The following WBP2NL variants were observed in gnomAD, a reference collection of about 807,000 sequenced individuals.
WBP2NL encodes WBP2 N-terminal like, also known as postacrosomal sheath WW domain-binding protein.
In WBP2NL, 27 loss-of-function variants were observed where a neutral mutation model predicts 23.3. The ratio of observed to expected loss-of-function variants is 1.16; its 90% CI spans 0.85 to 1.60. The LOEUF is 1.60. WBP2NL is among the 40% of genes most tolerant of loss of function. The pLI is 0.00. For missense variants in WBP2NL, 370 were observed against 389.5 expected (o/e 0.95, Z 0.42); for synonymous variants, 151 against 145.9 (o/e 1.03, Z -0.25).
At chr22:42,002,961 G>A (rs948713238) in intron 1 of WBP2NL, 1 of 151,844 alleles carries the variant, frequency 6.6e-6, no homozygotes, top group African/African-American at 2.4e-5. Flanking sequence ...AAAATAGTGG[G>A]ACCTCATCTC....
At chr22:42,010,197 G>T (rs906046155) in intron 1 of WBP2NL, among the ~76,000 whole-genome samples, 2 of 152,076 alleles carry the variant, frequency 1.3e-5, no homozygotes, top group African/African-American at 4.8e-5. Flanking sequence ...ACAGCTTTTT[G>T]GTGGACTCTT....
chr22:42,055,761 A>C (rs1218995918), intron 8 of WBP2NL, among the ~76,000 whole-genome samples: 1 of 151,904 alleles, frequency 6.6e-6, no homozygotes, highest in Non-Finnish European at 1.5e-5. Flanking sequence ...TTTTTGGTGG[A>C]TTGATCTTCT....
At position 42,027,243 on chromosome 22, in the gene WBP2NL, G is replaced by A. The variant is rs780529882; in HGVS notation, c.*62G>A. ...AAGAGGTACCCTAAAATTGAAGTCA[G>A]GATAAGGAGGACGACTCAGGTATGT... On this transcript the variant is annotated 3_prime_UTR_variant, in exon 6 of 6. Transcript: ENST00000328823. The A allele has an allele frequency of 7.2e-6, 11 of 1,530,058 alleles. No individual in the cohort carries two copies. The highest frequency in any genetic ancestry group is 9.6e-6 in the Non-Finnish European group (11 of 1,142,092). 94.8% of individuals were successfully genotyped at this position (1,530,058 alleles called of 1,614,324 possible).
At chr22:42,010,046 T>G (rs1922662479) in intron 1 of WBP2NL, among the ~76,000 whole-genome samples, 1 of 152,232 alleles carries the variant, frequency 6.6e-6, no homozygotes. Context: ...TTCCTAAGTA[T>G]TTTATTCTTT....
chr22:42,017,978 G>A (rs1336793186), intron 1 of WBP2NL, among the ~76,000 whole-genome samples: 2 of 151,860 alleles, frequency 1.3e-5, no homozygotes, highest in South Asian at 2.1e-4. Flanking sequence ...GTGAAACCCC[G>A]TCTCTACCAA....
chr22:42,013,652 T>C (rs1923041205), intron 1 of WBP2NL, among the ~76,000 whole-genome samples: 1 of 152,118 alleles, frequency 6.6e-6, no homozygotes, highest in Admixed American at 6.6e-5. Flanking sequence ...CTCTATCACG[T>C]AGGCTGGAGT....
intron 1 of WBP2NL, among the ~76,000 whole-genome samples, chr22:42,015,571 T>C (rs1231859073): frequency 6.6e-6 from 1 of 152,002 alleles, no homozygotes; most frequent in Non-Finnish European, 1.5e-5. Context: ...CCCAGCTAAT[T>C]TTTGTATTTT....
chr22:42,056,335 T>C (rs748317731), intron 8 of WBP2NL, among the ~76,000 whole-genome samples: 19 of 152,242 alleles, frequency 1.2e-4, no homozygotes, highest in Non-Finnish European at 2.1e-4. Context: ...TTGTTACAAA[T>C]GACATCTTTA....
chr22:42,031,877 G>A (rs1288192761), downstream of WBP2NL: 2 of 152,062 alleles, frequency 1.3e-5, no homozygotes, highest in Non-Finnish European at 2.9e-5. Context: ...TGTGTTTTTA[G>A]TGGAGACAGG....
At chr22:42,018,603 C>G (rs58156627) in intron 1 of WBP2NL, among the ~76,000 whole-genome samples, 42 of 152,056 alleles carry the variant, frequency 2.8e-4, no homozygotes, top group Admixed American at 2.8e-3. Context: ...GGAGAGAGCA[C>G]GACAGGCTGA....
At chr22:42,041,481 TAAAAAAA>T (rs35848343) in intron 8 of WBP2NL, among the ~76,000 whole-genome samples, 21 of 112,820 alleles carry the variant, frequency 1.9e-4, no homozygotes, top group East Asian at 1.1e-3. Context: ...GTTCTGTCTT[TAAAAAAA>T]AAAAAAAAAA....
At chr22:42,046,766 T>C (rs889660594) in intron 8 of WBP2NL, among the ~76,000 whole-genome samples, 3 of 152,024 alleles carry the variant, frequency 2.0e-5, no homozygotes, top group Admixed American at 6.5e-5. Flanking sequence ...TTTTTAATGA[T>C]GGATAAACTT....
rs1395760162 is a variant in WBP2NL at position 42,047,623 on chromosome 22, T to A, written c.*274-10667T>A. Among the ~76,000 whole-genome samples the A allele has an allele frequency of 4.1e-3, 521 of 126,832 alleles. 1 individual carries two copies. The highest frequency in any genetic ancestry group is 0.022 in the African/African-American group (504 of 22,638). 83.2% of individuals were successfully genotyped at this position (126,832 alleles called of 152,430 possible). ...GCCTCCCAAAAAAAACCAATCAAAT[T>A]TTTTTTTTTTTTTTTTGAGACAGAG... is the stretch of plus-strand genomic sequence containing the variant. On this transcript the variant is annotated intron_variant and NMD_transcript_variant, in intron 8 of 8. Coordinates refer to the WBP2NL transcript ENST00000436265.
At chr22:42,002,007 C>G in intron 1 of WBP2NL, 1 of 779,928 alleles carries the variant, frequency 1.3e-6, no homozygotes, top group Admixed American at 3.5e-5. Context: ...GGGACTGGTC[C>G]GAGAATCGGC....
At chr22:42,056,818 C>G (rs1030908389) in intron 8 of WBP2NL, among the ~76,000 whole-genome samples, 4 of 152,028 alleles carry the variant, frequency 2.6e-5, no homozygotes, top group Admixed American at 6.6e-5. Flanking sequence ...AATGGGGTAT[C>G]TAGTGCCTCA....
chr22:42,035,366 C>T (rs1242433715), downstream of WBP2NL, among the ~76,000 whole-genome samples: 1 of 152,238 alleles, frequency 6.6e-6, no homozygotes, highest in African/African-American at 2.4e-5. Context: ...GGAGCTCCCA[C>T]CTGCCCCTCT....
chr22:42,033,485 A>G (rs548660668), downstream of WBP2NL, among the ~76,000 whole-genome samples: 16 of 152,258 alleles, frequency 1.1e-4, no homozygotes, highest in African/African-American at 3.9e-4. Flanking sequence ...AGTGGGTCCA[A>G]AGTTCTTCAA....
At chr22:42,037,854 T>A (rs755314900), downstream of WBP2NL, among the ~76,000 whole-genome samples, 5 of 81,390 alleles carry the variant, frequency 6.1e-5, no homozygotes, top group Admixed American at 3.0e-4. Flanking sequence ...AGTGAGAGTG[T>A]GTGTGTGTGT....
At chr22:42,025,142 T>G (rs182251817) in intron 5 of WBP2NL, among the ~76,000 whole-genome samples, 210 of 152,348 alleles carry the variant, frequency 1.4e-3, no homozygotes, top group African/African-American at 4.8e-3. Flanking sequence ...CAGATTTCTC[T>G]TTTTTCCTCT....
Sources: allele counts gnomAD v4.1 joint callset (sites outside exome capture counted in the v4.1 genomes callset), GRCh38; gene constraint gnomAD v4.1.1; transcripts MANE v1.5; gene names NCBI Gene and HGNC (gene_info 2026-07-23, HGNC 2026-07-21).